The following CTNNA2 variants were observed in gnomAD, a reference collection of about 807,000 sequenced individuals.
The protein encoded by CTNNA2 is catenin alpha-2.
Under a neutral mutation model 101.0 loss-of-function variants are expected in CTNNA2, and 42 were observed. That is an observed-to-expected ratio of 0.42 (90% CI 0.32 to 0.54). The LOEUF is 0.54. Ranked by LOEUF, CTNNA2 falls within the 20% of genes least tolerant of loss-of-function variation. The probability of loss-of-function intolerance (pLI) is 0.14; values close to 1 mark genes in which losing one functional copy is unlikely to be tolerated. For missense variants in CTNNA2, 871 were observed against 1,223.1 expected (o/e 0.71, Z 4.29); for synonymous variants, 450 against 456.4 (o/e 0.99, Z 0.18).
chr2:80,438,594 G>T (rs1487105020), intron 9 of CTNNA2, among the ~76,000 whole-genome samples: 7 of 152,056 alleles, frequency 4.6e-5, no homozygotes, highest in African/African-American at 1.7e-4. Flanking sequence ...TTCTGATACA[G>T]ATTCTTTCAC....
Position 79,909,616 on chromosome 2 carries a change from T to A in CTNNA2, c.875T>A (p.Met292Lys), listed in dbSNP as rs1685652965. ...EFDNKIILDP[M>K]TFSEARFRPS... ...CAGAATAAGATTATCCTGGACCCCA[T>A]GACGTTCAGCGAGGCCAGGTTCCGG... Residue 292 changes from methionine to lysine, a missense_variant, in exon 7 of 19, where the codon ATG becomes AAG. By Grantham distance (95) the Met-to-Lys change is moderately conservative (BLOSUM62 -1). This residue lies in a region of CTNNA2 where 647 missense variants were observed against 831.5 expected (regional missense o/e 0.78). Transcript: ENST00000402739. 6.2e-7 allele frequency: 1 copy of A among 1,612,228 alleles called. No individual in the cohort carries two copies. The highest frequency in any genetic ancestry group is 1.3e-5 in the African/African-American group (1 of 74,890).
At chr2:79,459,093 C>G (rs1452371557) in intron 4 of CTNNA2, among the ~76,000 whole-genome samples, 1 of 152,066 alleles carries the variant, frequency 6.6e-6, no homozygotes, top group Admixed American at 6.6e-5. Flanking sequence ...GAAGTACATT[C>G]AAGATGAAAA....
At chr2:80,030,597 G>T (rs571474664) in intron 7 of CTNNA2, 1 of 152,284 alleles carries the variant, frequency 6.6e-6, no homozygotes, top group South Asian at 2.1e-4. Flanking sequence ...ACCAAGTGTA[G>T]TTATATTTGG....
intron 3 of CTNNA2, among the ~76,000 whole-genome samples, chr2:79,768,478 G>A (rs1352780720): frequency 6.6e-6 from 1 of 151,518 alleles, no homozygotes; most frequent in Non-Finnish European, 1.5e-5. Flanking sequence ...CCGTGGCAGG[G>A]GTGATCGGTG....
At chr2:79,495,103 G>A (rs1293434883) in intron 4 of CTNNA2, among the ~76,000 whole-genome samples, 4 of 151,792 alleles carry the variant, frequency 2.6e-5, no homozygotes, top group African/African-American at 9.7e-5. Context: ...ACTCCGTCTC[G>A]AAACAAAACA....
intron 1 of CTNNA2, among the ~76,000 whole-genome samples, chr2:79,627,499 C>A (rs746689078): frequency 6.6e-6 from 1 of 152,166 alleles, no homozygotes; most frequent in African/African-American, 2.4e-5. Flanking sequence ...TCCGGTAGAA[C>A]GCATAAAGTG....
intron 7 of CTNNA2, among the ~76,000 whole-genome samples, chr2:80,330,819 TC>T (rs1411717527): frequency 6.6e-6 from 1 of 152,076 alleles, no homozygotes; most frequent in Non-Finnish European, 1.5e-5. Flanking sequence ...GCTAGAATTT[TC>T]CCCCGGGGTC....
chr2:79,909,063 C>T (rs1251030482), intron 6 of CTNNA2, among the ~76,000 whole-genome samples: 2 of 152,182 alleles, frequency 1.3e-5, no homozygotes, highest in African/African-American at 2.4e-5. Flanking sequence ...TTCTAGAACA[C>T]TAGCATAAAT....
At chr2:80,286,978 A>G in intron 7 of CTNNA2, among the ~76,000 whole-genome samples, 1 of 152,200 alleles carries the variant, frequency 6.6e-6, no homozygotes. Flanking sequence ...AATAGTATAT[A>G]ACAGGACACA....
intron 3 of CTNNA2, among the ~76,000 whole-genome samples, chr2:79,329,304 T>C (rs1156996429): frequency 1.3e-5 from 2 of 152,148 alleles, no homozygotes; most frequent in Non-Finnish European, 2.9e-5. Context: ...GCATCATGCT[T>C]ACTATCTCAA....
chr2:80,627,769 TAA>T (rs1242864482), intron 18 of CTNNA2, among the ~76,000 whole-genome samples: 4 of 152,188 alleles, frequency 2.6e-5, no homozygotes, highest in Non-Finnish European at 5.9e-5. Context: ...GTTTTAGTCA[TAA>T]AGTCTTTGTC....
chr2:79,200,594 G>T (rs1306773116), intron 2 of CTNNA2, among the ~76,000 whole-genome samples: 1 of 152,000 alleles, frequency 6.6e-6, no homozygotes, highest in East Asian at 1.9e-4. Context: ...TACAGCAGAG[G>T]GTGACAAGAG....
At chr2:80,050,983 C>T (rs1224529805) in intron 7 of CTNNA2, among the ~76,000 whole-genome samples, 2 of 152,184 alleles carry the variant, frequency 1.3e-5, no homozygotes, top group Non-Finnish European at 2.9e-5. Flanking sequence ...TCCTCAGCTT[C>T]CCCAAGTGCT....
rs3067109 is a variant in CTNNA2 at position 80,073,730 on chromosome 2, TCACACACACACACACACACA to T, written c.1056+163955_1056+163974del. 2.3e-5 allele frequency among the ~76,000 whole-genome samples: 3 copies of T among 130,504 alleles called. No homozygotes were observed. The South Asian group carries it at 8.2e-4, about 36-fold the overall frequency. The allele number at this position is 130,504 out of a possible 152,430, so 85.6% of individuals were successfully genotyped here. On this transcript the variant is annotated intron_variant, in intron 7 of 18. Transcript: ENST00000402739. ...TAAAACAAACCTCTCTCTCTCTCTG[TCACACACACACACACACACA>T]CACACACACACACACACACACTTAT...
intron 1 of CTNNA2, among the ~76,000 whole-genome samples, chr2:79,629,010 T>A (rs896266027): frequency 6.6e-6 from 1 of 152,212 alleles, no homozygotes; most frequent in African/African-American, 2.4e-5. Flanking sequence ...CCACATTTGT[T>A]TCCTGTTGTA....
intron 7 of CTNNA2, among the ~76,000 whole-genome samples, chr2:80,152,881 AT>A: frequency 6.6e-6 from 1 of 152,334 alleles, no homozygotes; most frequent in East Asian, 1.9e-4. Flanking sequence ...TTGGGTAACA[AT>A]AAACCCAAAA....
Position 80,210,866 on chromosome 2 carries a change from C to A in CTNNA2, c.1057-182345C>A, listed in dbSNP as rs568928369. ...AAGTGTTCCTATTTCTCCACATCCTCTCCAGCTCCTGTTGTCTCCTGACTT... is the reference window on the plus strand; with the variant it reads ...AAGTGTTCCTATTTCTCCACATCCTATCCAGCTCCTGTTGTCTCCTGACTT... On this transcript the variant is annotated intron_variant, in intron 7 of 18. Coordinates refer to ENST00000402739, the MANE Select transcript of CTNNA2 (RefSeq NM_001282597.3). 2.6e-4 allele frequency among the ~76,000 whole-genome samples: 40 copies of A among 152,320 alleles called. No homozygotes were observed. In the East Asian group the frequency reaches 6.9e-3, roughly 26 times the overall value.
At position 79,242,999 on chromosome 2, in the gene CTNNA2, C is replaced by CAT. The variant is rs1553385598; in HGVS notation, c.-406+44924_-406+44925insTA. 9.1e-5 allele frequency among the ~76,000 whole-genome samples: 10 copies of CAT among 109,930 alleles called. 1 individual carries two copies. The highest frequency in any genetic ancestry group is 2.5e-4 in the African/African-American group (8 of 32,204). 72.1% of individuals were successfully genotyped at this position (109,930 alleles called of 152,430 possible). A position where few individuals can be genotyped will look rare whatever the true frequency, so the allele number is the denominator to read the frequency against. Reference sequence around the variant, plus strand: ...ATATATATATATATATATATACACACACACACACACACACACACACACACA... The same window carrying CAT: ...ATATATATATATATATATATACACACATACACACACACACACACACACACACA... On this transcript the variant is annotated intron_variant, in intron 2 of 21. Coordinates refer to the CTNNA2 transcript ENST00000466387.
At chr2:79,464,831 G>GT (rs917603005) in intron 4 of CTNNA2, among the ~76,000 whole-genome samples, 96 of 149,024 alleles carry the variant, frequency 6.4e-4, no homozygotes, top group African/African-American at 8.1e-4. Flanking sequence ...TGATGAAGTT[G>GT]TTTTTTTTTT....
Sources: gnomAD v4.1 joint callset for allele counts (sites outside exome capture counted in the v4.1 genomes callset) on GRCh38, gnomAD v4.1.1 for gene constraint, gnomAD v4.1.1 regional missense constraint, MANE v1.5 for transcripts, NCBI Gene and HGNC (gene_info 2026-07-23, HGNC 2026-07-21) for gene names.